FGFR1: variants seen among roughly 807,000 people sequenced by gnomAD.
FGFR1 encodes fibroblast growth factor receptor 1.
In FGFR1, 18 loss-of-function variants were observed where a neutral mutation model predicts 93.7. The ratio of observed to expected loss-of-function variants is 0.19; its 90% confidence interval spans 0.13 to 0.28. The LOEUF is 0.28. Among genes scored for constraint, FGFR1 ranks in the 10% least tolerant of loss-of-function variants. FGFR1 has a pLI of 1.00. For synonymous variants in FGFR1, 448 were observed against 429.3 expected, an observed-to-expected ratio of 1.04 and a Z score of -0.54; for missense variants, 731 against 1,080.4, an observed-to-expected ratio of 0.68 and a Z score of 4.53.
intron 8 of FGFR1, chr8:38,419,967 C>A: frequency 1.8e-6 from 1 of 558,324 alleles, no homozygotes; most frequent in Non-Finnish European, 3.2e-6. Context: ...TGGCCTAGAA[C>A]CATCGTGCTA....
chr8:38,419,455 G>C, intron 9 of FGFR1, 78 bp downstream of exon 9: 1 of 1,322,764 alleles, frequency 7.6e-7, no homozygotes, highest in Non-Finnish European at 1.1e-6. Context: ...CTATAAATTA[G>C]GGACAATGGA....
At chr8:38,430,934 G>A (rs1264458453) in intron 2 of FGFR1, 1 of 152,288 alleles carries the variant, frequency 6.6e-6, no homozygotes. Context: ...ACCATCCTGG[G>A]CTGTTACCCA....
chr8:38,428,401 A>G lies in FGFR1; in HGVS notation c.393T>C (p.Asp131=), dbSNP rs2150931547. 1 of 1,613,688 alleles carries G rather than the reference A, an allele frequency of 6.2e-7. No individual in the cohort carries two copies. Among genetic ancestry groups the G allele is most frequent in the Non-Finnish European group, 8.5e-7 (1 of 1,179,798 alleles). The stretch of plus-strand genomic sequence containing the variant: ...CTTTCTCCTCTGAAGAGGAGTCATC[A>G]TCATCATCATCATCCTCCGAGGAGG... The part of the protein sequence containing the change: ...ALPSSEDDDD[D]DDSSSEEKET... The change falls in exon 4 of 18, where the codon GAT becomes GAC. Residue 131 remains aspartate (D), a synonymous_variant. Coordinates refer to ENST00000447712, the MANE Select transcript of FGFR1 (RefSeq NM_023110.3).
chr8:38,449,299 T>C (rs974698028), intron 2 of FGFR1, among the ~76,000 whole-genome samples: 1 of 152,042 alleles, frequency 6.6e-6, no homozygotes, highest in African/African-American at 2.4e-5. Context: ...TATTTCCAGC[T>C]AAGGGACTAG....
chr8:38,423,426 G>T (rs1016919697), intron 7 of FGFR1: 1 of 402,672 alleles, frequency 2.5e-6, no homozygotes, highest in Non-Finnish European at 4.5e-6. Context: ...GGTTCAAGCA[G>T]TTAGCTTGCC....
intron 1 of FGFR1, among the ~76,000 whole-genome samples, chr8:38,463,597 A>C (rs1834892004): frequency 6.6e-6 from 1 of 152,176 alleles, no homozygotes; most frequent in African/African-American, 2.4e-5. Flanking sequence ...AACTGGATGA[A>C]TGAGTAAGTG....
chr8:38,415,336 C>G (rs1473907894), intron 13 of FGFR1, among the ~76,000 whole-genome samples: 1 of 152,156 alleles, frequency 6.6e-6, no homozygotes, highest in African/African-American at 2.4e-5. Flanking sequence ...CTCTGTCGCC[C>G]CGGCTGGGGT....
chr8:38,411,716 TAGTGAGGAC>T lies in FGFR1; in HGVS notation c.*1903_*1911del, dbSNP rs1814465285. ...AGGTACGGGGGAGCCAGAATCCACT[TAGTGAGGAC>T]AGTGATGACCAGCAGGTGGCAGAAG... On this transcript the variant is annotated 3_prime_UTR_variant, in exon 18 of 18. Coordinates refer to ENST00000447712, the MANE Select transcript of FGFR1 (RefSeq NM_023110.3). 3 of 230,894 alleles carry T rather than the reference TAGTGAGGAC, an allele frequency of 1.3e-5. No individual in the cohort carries two copies. The highest frequency in any genetic ancestry group is 2.6e-5 in the Non-Finnish European group (3 of 116,468). 14.3% of individuals were successfully genotyped at this position (230,894 alleles called of 1,614,324 possible). A position where few individuals can be genotyped will look rare whatever the true frequency, so the allele number is the denominator to read the frequency against.
At chr8:38,449,802 G>C (rs991203169) in intron 2 of FGFR1, among the ~76,000 whole-genome samples, 1 of 152,216 alleles carries the variant, frequency 6.6e-6, no homozygotes, top group Non-Finnish European at 1.5e-5. Context: ...TCACCCCACA[G>C]CCCCTAGTTT....
At chr8:38,418,202 A>C (rs1459826472) in intron 10 of FGFR1, 26 bp downstream of exon 10, 4 of 1,614,098 alleles carry the variant, frequency 2.5e-6, no homozygotes, top group Non-Finnish European at 2.5e-6. Context: ...ATGCCTTCAA[A>C]AAGTTGGGAG....
intron 2 of FGFR1, chr8:38,440,302 T>A (rs776735175): frequency 6.2e-7 from 1 of 1,603,984 alleles, no homozygotes; most frequent in East Asian, 2.2e-5. Context: ...AACTGAAAAC[T>A]TACCTTCGGC....
chr8:38,420,170 G>C (rs1455511974), intron 8 of FGFR1: 1 of 186,704 alleles, frequency 5.4e-6, no homozygotes, highest in Admixed American at 5.4e-5. Flanking sequence ...CGGGGACACA[G>C]ATGTTTCTGA....
chr8:38,452,431 T>C (rs1831384984), intron 2 of FGFR1, among the ~76,000 whole-genome samples: 1 of 152,100 alleles, frequency 6.6e-6, no homozygotes, highest in Admixed American at 6.5e-5. Context: ...TATAGCTCAC[T>C]GTAGCCTCAA....
rs1383262590 is a variant in FGFR1, at chr8:38,457,386, C to T, written c.61G>A (p.Ala21Thr). ...AVLVTATLCT[A>T]RPSPTLPEQA... is the part of the protein sequence containing the mutation. ...TCAGGCAAGGTCGGGGACGGCCTAG[C>T]GGTGCAGAGTGTGGCTGTGACCAGC... is the stretch of plus-strand genomic sequence containing the variant. The change falls in exon 2 of 18, where the codon GCT becomes ACT. Residue 21 changes from alanine (A) to threonine (T), a missense_variant. This residue lies in a region of FGFR1 where 212 missense variants were observed against 205.8 expected (regional missense o/e 1.03). Transcript: ENST00000447712. 1.4e-5 allele frequency: 23 copies of T among 1,613,788 alleles called. No individual in the cohort carries two copies. Among genetic ancestry groups the T allele is most frequent in the Non-Finnish European group, 1.8e-5 (21 of 1,180,020 alleles).
Position 38,413,333 on chromosome 8 carries a change from C to T in FGFR1, c.*295G>A. On this transcript the variant is annotated 3_prime_UTR_variant, in exon 18 of 18. Coordinates refer to ENST00000447712, the MANE Select transcript of FGFR1 (RefSeq NM_023110.3). The surrounding 1 kb of genome is among the most constrained non-coding windows in gnomAD (Gnocchi z 4.2). Reference sequence around the variant, plus strand: ...CCTGTTCATTGGCTCCCACTCCCTGCCCTCCAGGCAGTGCCTGGTGGCAGG... The same window carrying T: ...CCTGTTCATTGGCTCCCACTCCCTGTCCTCCAGGCAGTGCCTGGTGGCAGG... The T allele has an allele frequency of 2.0e-6, 1 of 490,738 alleles. No homozygotes were observed. The highest frequency in any genetic ancestry group is 3.2e-5 in the South Asian group (1 of 31,622). The allele number at this position is 490,738 out of a possible 1,614,324, so 30.4% of individuals were successfully genotyped here. A position where few individuals can be genotyped will look rare whatever the true frequency, so the allele number is the denominator to read the frequency against.
chr8:38,436,220 A>G (rs1041340908), intron 2 of FGFR1, among the ~76,000 whole-genome samples: 1 of 151,998 alleles, frequency 6.6e-6, no homozygotes, highest in Non-Finnish European at 1.5e-5. Flanking sequence ...GCGAAAAATA[A>G]AAAAATTAGC....
In FGFR1 at chr8:38,416,048, A is replaced by G. The variant is rs2150592022; in HGVS notation, c.1676T>C (p.Val559Ala). 1 of 1,612,424 alleles carries G rather than the reference A, an allele frequency of 6.2e-7. No individual in the cohort carries two copies. Among genetic ancestry groups the G allele is most frequent in the African/African-American group, 1.3e-5 (1 of 75,018 alleles). Residue 559 changes from valine (V) to alanine (A), a missense_variant, in exon 13 of 18, where the codon GTC becomes GCC. Around this residue, in one of 10 missense-constraint regions of FGFR1, gnomAD observed 62 missense variants for 99.5 expected, o/e 0.62. Coordinates refer to ENST00000447712, the MANE Select transcript of FGFR1 (RefSeq NM_023110.3). ...GACTQDGPLY[V>A]IVEYASKGNL... ...GCCCTTGGAGGCATACTCCACGATG[A>G]CATACAAGGGACCTGCAGGCACAGG...
At chr8:38,416,866 C>T (rs973770631) in intron 12 of FGFR1, among the ~76,000 whole-genome samples, 8 of 152,182 alleles carry the variant, frequency 5.3e-5, no homozygotes, top group African/African-American at 1.9e-4. Flanking sequence ...AAGTCTTATG[C>T]GTCAGCCTCC....
intron 2 of FGFR1, among the ~76,000 whole-genome samples, chr8:38,444,583 G>C (rs966326367): frequency 7.1e-6 from 1 of 141,092 alleles, no homozygotes; most frequent in African/African-American, 2.7e-5. Flanking sequence ...GTAGAGACAG[G>C]GTTTTACCAT....
Sources: gnomAD v4.1 joint callset for allele counts (sites outside exome capture counted in the v4.1 genomes callset) on GRCh38, gnomAD v4.1.1 for gene constraint, gnomAD v4.1.1 regional missense constraint, Gnocchi (gnomAD v3.1) non-coding constraint, MANE v1.5 for transcripts, NCBI Gene and HGNC (gene_info 2026-07-23, HGNC 2026-07-21) for gene names.